The following F5 variants were observed in gnomAD, a reference collection of about 807,000 sequenced individuals.
The protein encoded by F5 is coagulation factor V.
Under a neutral mutation model 216.4 loss-of-function variants are expected in F5, and 138 were observed. The ratio of observed to expected loss-of-function variants is 0.64; its 90% CI spans 0.56 to 0.73. The LOEUF is 0.73. F5 is among the 30% of genes least tolerant of loss of function. F5 has a pLI of 0.00. For missense variants in F5, 2,403 were observed against 2,674.0 expected, an observed-to-expected ratio of 0.90 and a Z score of 2.24; for synonymous variants, 916 against 930.7, an observed-to-expected ratio of 0.98 and a Z score of 0.29.
intron 2 of F5, among the ~76,000 whole-genome samples, chr1:169,580,762 T>C (rs1660969083): frequency 6.6e-6 from 1 of 152,184 alleles, no homozygotes; most frequent in Non-Finnish European, 1.5e-5. Context: ...GTGAAGACTA[T>C]ATAAATGAGT....
Position 169,541,772 on chromosome 1 carries a change from A to G in F5, c.3318T>C (p.Asn1106=). The change falls in exon 13 of 25, where the codon AAT becomes AAC. Residue 1106 remains asparagine, a synonymous_variant. Transcript: ENST00000367797. ...GAGGACAGCTTGCCTGACCAGTGTC[A>G]TTTGAGGAATTCTGATTATGGTCAG... is the stretch of plus-strand genomic sequence containing the variant. ...SLPDHNQNSS[N]DTGQASCPPG... 5 of 1,614,042 alleles carry G rather than the reference A, an allele frequency of 3.1e-6. No homozygotes were observed. Among genetic ancestry groups the G allele is most frequent in the Non-Finnish European group, 4.2e-6 (5 of 1,179,966 alleles).
Position 169,540,675 on chromosome 1 carries a change from G to T in F5, c.4415C>A (p.Ser1472Ter). The T allele has an allele frequency of 6.2e-7, 1 of 1,614,030 alleles. No homozygotes were observed. Among genetic ancestry groups the T allele is most frequent in the South Asian group, 1.1e-5 (1 of 91,046 alleles). Residue 1472 changes from serine to a stop codon, truncating the protein, a stop_gained, in exon 13 of 25, where the codon TCA becomes TAA. Coordinates refer to ENST00000367797, the MANE Select transcript of F5 (RefSeq NM_000130.5). LOFTEE classifies it high-confidence loss of function. ...QIFYPSESSQ[S>*]LLLQEFNESF... ...CTCATTAAATTCTTGAAGAAGCAATGACTGACTAGATTCAGAAGGGTAGAA... is the reference window on the plus strand; with the variant it reads ...CTCATTAAATTCTTGAAGAAGCAATTACTGACTAGATTCAGAAGGGTAGAA...
Position 169,542,207 on chromosome 1 carries a change from A to G in F5, c.2883T>C (p.Asp961=), listed in dbSNP as rs144026312. The change falls in exon 13 of 25, where the codon GAT becomes GAC. Residue 961 remains aspartate, a synonymous_variant. Coordinates refer to ENST00000367797, the MANE Select transcript of F5 (RefSeq NM_000130.5). ...SEKGSYEIIQ[D]TDEDTAVNNW... is the part of the protein sequence containing the mutation. ...TGTTAACAGCTGTGTCTTCATCAGT[A>G]TCTTGGATTATTTCATAGCTACCTT... is the stretch of plus-strand genomic sequence containing the variant. The G allele has an allele frequency of 1.0e-4, 168 of 1,613,892 alleles. No individual in the cohort carries two copies. In the African/African-American group the frequency reaches 1.8e-3, roughly 17 times the overall value.
At chr1:169,532,101 T>A (rs1659605774) in intron 14 of F5, among the ~76,000 whole-genome samples, 1 of 152,138 alleles carries the variant, frequency 6.6e-6, no homozygotes, top group Non-Finnish European at 1.5e-5. Context: ...AAAAACAGTA[T>A]CATCATCTCA....
rs878862261 is a variant in F5 at position 169,541,487 on chromosome 1, C to G, written c.3603G>C (p.Gln1201His). 2 of 1,613,654 alleles carry G rather than the reference C, an allele frequency of 1.2e-6. No homozygotes were observed. The highest frequency in any genetic ancestry group is 1.7e-6 in the Non-Finnish European group (2 of 1,179,858). ...GGCTGAGGTCTGGAGAGAGGTTTGT[C>G]TGGCTGAGTTCTGGAGAGAGGGTCA... ...SQVTLSPELS[Q>H]TNLSPDLSHT... is the part of the protein sequence containing the mutation. Residue 1201 changes from glutamine (Q) to histidine (H), a missense_variant, in exon 13 of 25, where the codon CAG becomes CAC. Gln to His is a conservative substitution (Grantham distance 24). Transcript: ENST00000367797.
Position 169,544,308 on chromosome 1 carries a change from T to C in F5, c.1963A>G (p.Met655Val). ...PMRGESVTVT[M>V]DNVGTWMLTS... is the part of the protein sequence containing the mutation. ...GACTCTTACTCACCAACATTATCCA[T>C]TGTGACCGTCACAGATTCTCCACGC... Residue 655 changes from methionine (M) to valine (V), a missense_variant, in exon 12 of 25, where the codon ATG becomes GTG. Transcript: ENST00000367797. The C allele has an allele frequency of 1.2e-6, 2 of 1,613,934 alleles. No homozygotes were observed. The highest frequency in any genetic ancestry group is 1.7e-6 in the Non-Finnish European group (2 of 1,179,890).
chr1:169,572,714 A>C (rs993782017), intron 2 of F5, among the ~76,000 whole-genome samples: 1 of 152,168 alleles, frequency 6.6e-6, no homozygotes, highest in African/African-American at 2.4e-5. Context: ...GTTACTTTAG[A>C]TTTCTCTGAC....
chr1:169,571,540 T>C (rs1199281195), intron 3 of F5, among the ~76,000 whole-genome samples: 1 of 152,168 alleles, frequency 6.6e-6, no homozygotes. Context: ...ATACTATTAA[T>C]GCTTCTAGTC....
chr1:169,540,401 A>G lies in F5; in HGVS notation c.4689T>C (p.Asp1563=). The G allele has an allele frequency of 6.2e-7, 1 of 1,614,040 alleles. No individual in the cohort carries two copies. Among genetic ancestry groups the G allele is most frequent in the Non-Finnish European group, 8.5e-7 (1 of 1,179,942 alleles). The change falls in exon 13 of 25, where the codon GAT becomes GAC. Residue 1563 remains aspartate (D), a synonymous_variant. Coordinates refer to ENST00000367797, the MANE Select transcript of F5 (RefSeq NM_000130.5). ...DVRTNINSSR[D]PDNIAAWYLR... ...GGTACCATGCTGCAATGTTGTCAGG[A>G]TCTCTGGAGGAGTTGATGTTTGTCC...
chr1:169,553,400 G>A (rs374594062), intron 7 of F5, among the ~76,000 whole-genome samples: 19 of 152,156 alleles, frequency 1.2e-4, no homozygotes, highest in African/African-American at 4.3e-4. Context: ...GTGTTCATGA[G>A]AGAAATGCAA....
intron 22 of F5, among the ~76,000 whole-genome samples, chr1:169,519,454 G>A (rs915969577): frequency 1.4e-4 from 21 of 152,104 alleles, no homozygotes; most frequent in African/African-American, 4.8e-4. Flanking sequence ...ATGACTTATG[G>A]AACTGTTTCA....
rs2101820064 is a variant in F5, at chr1:169,542,655, T to G, written c.2435A>C (p.His812Pro). ...GAGAACTGAGTTCTTGCCAATGAGG[T>G]GTCTCAGTGGGGAACCAGCTGTGGT... ...QATTAGSPLR[H>P]LIGKNSVLNS... Residue 812 changes from histidine to proline, a missense_variant, in exon 13 of 25, where the codon CAC becomes CCC. Physicochemically the swap from His to Pro is moderately conservative, Grantham distance 77 (BLOSUM62 -2). Coordinates refer to ENST00000367797, the MANE Select transcript of F5 (RefSeq NM_000130.5). 1.2e-6 allele frequency: 2 copies of G among 1,614,058 alleles called. No individual in the cohort carries two copies. Among genetic ancestry groups the G allele is most frequent in the Non-Finnish European group, 1.7e-6 (2 of 1,179,962 alleles).
intron 21 of F5, among the ~76,000 whole-genome samples, chr1:169,522,926 G>C (rs552697928): frequency 4.6e-5 from 7 of 152,348 alleles, no homozygotes; most frequent in African/African-American, 1.7e-4. Flanking sequence ...CCATTGGCCA[G>C]TCTGAGAAAT....
At chr1:169,561,016 T>C (rs1226191063) in intron 3 of F5, among the ~76,000 whole-genome samples, 2 of 152,206 alleles carry the variant, frequency 1.3e-5, no homozygotes, top group African/African-American at 4.8e-5. Flanking sequence ...AAGTTAATTT[T>C]CCAGGGTACC....
intron 3 of F5, among the ~76,000 whole-genome samples, chr1:169,565,433 A>C (rs76130893): frequency 0.061 from 9,257 of 152,194 alleles, 288 homozygotes; most frequent in Non-Finnish European, 0.072. Context: ...GAACATGAAC[A>C]TGAAGAAGAT....
At chr1:169,558,263 T>C (rs1660377075) in intron 5 of F5, among the ~76,000 whole-genome samples, 1 of 152,156 alleles carries the variant, frequency 6.6e-6, no homozygotes, top group Non-Finnish European at 1.5e-5. Flanking sequence ...GCCCCAGTTT[T>C]TACAAGCTCC....
In F5 at chr1:169,586,376, C is replaced by G. The variant is rs1162228986; in HGVS notation, c.11G>C (p.Gly4Ala). 1 of 1,613,330 alleles carries G rather than the reference C, an allele frequency of 6.2e-7. No individual in the cohort carries two copies. Among genetic ancestry groups the G allele is most frequent in the Admixed American group, 1.7e-5 (1 of 60,016 alleles). MFP[G>A]CPRLWVLVVL... The stretch of plus-strand genomic sequence containing the variant: ...CACCAGGACCCAGAGGCGTGGGCAG[C>G]CTGGGAACATGCTTCCTTTCCTGCT... The change falls in exon 1 of 25, where the codon GGC becomes GCC. Residue 4 changes from glycine (G) to alanine (A), a missense_variant. Physicochemically the swap from Gly to Ala is moderately conservative, Grantham distance 60. This residue lies in a region of F5 where 1,425 missense variants were observed against 1,554.8 expected (regional missense o/e 0.92). Transcript: ENST00000367797.
intron 3 of F5, among the ~76,000 whole-genome samples, chr1:169,568,152 A>G (rs1318696392): frequency 1.3e-5 from 2 of 152,132 alleles, no homozygotes; most frequent in Non-Finnish European, 2.9e-5. Context: ...TGATCAAACT[A>G]AATTACTCAG....
At position 169,586,133 on chromosome 1, in the gene F5, A is replaced by C. The variant is rs1661097270; in HGVS notation, c.158+96T>G. ...TTATATTTACTTACCTGAAGTTAAA[A>C]AAAAAAAAAGCCATGACATTGCAAA... On this transcript the variant is annotated intron_variant, in intron 1 of 24. Coordinates refer to ENST00000367797, the MANE Select transcript of F5 (RefSeq NM_000130.5). 2.8e-6 allele frequency: 4 copies of C among 1,447,340 alleles called. No individual in the cohort carries two copies. The African/African-American group carries it at 5.7e-5, about 21-fold the overall frequency. 89.7% of individuals were successfully genotyped at this position (1,447,340 alleles called of 1,614,324 possible). A position where few individuals can be genotyped will look rare whatever the true frequency, so the allele number is the denominator to read the frequency against.
Sources: allele counts gnomAD v4.1 joint callset (sites outside exome capture counted in the v4.1 genomes callset), GRCh38; gene constraint gnomAD v4.1.1; regional missense constraint gnomAD v4.1.1; transcripts MANE v1.5; gene names NCBI Gene and HGNC (gene_info 2026-07-23, HGNC 2026-07-21).